TENT4A: variants seen among roughly 807,000 people sequenced by gnomAD.
TENT4A encodes the protein DNA polymerase kappa.
Under a neutral mutation model 72.8 loss-of-function variants are expected in TENT4A, and 7 were observed. That is an observed-to-expected ratio of 0.10 (90% CI 0.05 to 0.18). TENT4A has a LOEUF of 0.18. TENT4A is among the 10% of genes least tolerant of loss of function. The pLI is 1.00. For missense variants in TENT4A, 831 were observed against 1,017.7 expected, an observed-to-expected ratio of 0.82 and a Z score of 2.50; for synonymous variants, 456 against 434.3, an observed-to-expected ratio of 1.05 and a Z score of -0.62.
rs200419351 is a variant in TENT4A at position 6,751,239 on chromosome 5, G to T, written c.2019+42G>T. The T allele has an allele frequency of 1.4e-3, 2,312 of 1,606,618 alleles. 1 individual carries two copies. Among genetic ancestry groups the T allele is most frequent in the Non-Finnish European group, 1.7e-3 (1,975 of 1,173,216 alleles). On this transcript the variant is annotated intron_variant, in intron 11 of 12. Transcript: ENST00000230859. The stretch of plus-strand genomic sequence containing the variant: ...CACCCTTCCCGCTGGTGGCCCCTGG[G>T]AACAGCATCCGAGCTGTGATATGCA...
At chr5:6,734,654 T>G (rs1297999189) in intron 1 of TENT4A, among the ~76,000 whole-genome samples, 1 of 152,230 alleles carries the variant, frequency 6.6e-6, no homozygotes. Context: ...GTTGCTCACT[T>G]TTAGGTGCAT....
At position 6,727,512 on chromosome 5, in the gene TENT4A, C is replaced by A. The variant is rs530206717; in HGVS notation, c.717-9998C>A. ...TCAGGCCTGGTCTTAGACTCCGCTG[C>A]TTGGGCTGTGCTGGTGCCTTTGGTG... is the stretch of plus-strand genomic sequence containing the variant. On this transcript the variant is annotated intron_variant, in intron 1 of 12. Coordinates refer to ENST00000230859, the MANE Select transcript of TENT4A (RefSeq NM_006999.6). Among the ~76,000 whole-genome samples, 3 of 152,334 alleles carry A rather than the reference C, an allele frequency of 2.0e-5. No individual in the cohort carries two copies. In the South Asian group the frequency reaches 6.2e-4, roughly 32 times the overall value.
chr5:6,739,557 A>G (rs1027665064), intron 3 of TENT4A, among the ~76,000 whole-genome samples, 175 bp from the exon 4 acceptor site: 3 of 152,150 alleles, frequency 2.0e-5, no homozygotes, highest in Non-Finnish European at 4.4e-5. Context: ...TTCAGCGAGG[A>G]CTTGCTGTAG....
At position 6,743,787 on chromosome 5, in the gene TENT4A, A is replaced by G. The variant is rs774593642; in HGVS notation, c.1192A>G (p.Thr398Ala). Residue 398 changes from threonine (T) to alanine (A), a missense_variant, in exon 6 of 13, where the codon ACA becomes GCA. By Grantham distance (58) the Thr-to-Ala change is moderately conservative (BLOSUM62 0). Transcript: ENST00000230859. ...GCAGAGGGACCTGAATGAAGTTTTT[A>G]CAGGTGGAATTAGCTCATACAGCCT... ...LLQRDLNEVF[T>A]GGISSYSLIL... The G allele has an allele frequency of 1.2e-6, 2 of 1,613,254 alleles. No homozygotes were observed.
In TENT4A at chr5:6,714,895, C is replaced by T. The variant is rs567317963; in HGVS notation, c.716+196C>T. ...TTATCGTGGAGTGACTTGCCCAGAT[C>T]CTACAAGTAACAGTCCAAGAAAAGG... On this transcript the variant is annotated intron_variant, in intron 1 of 12. Coordinates refer to ENST00000230859, the MANE Select transcript of TENT4A (RefSeq NM_006999.6). The T allele has an allele frequency of 3.5e-5, 10 of 282,374 alleles. No homozygotes were observed. The East Asian group carries it at 5.3e-4, about 15-fold the overall frequency. 17.5% of individuals were successfully genotyped at this position (282,374 alleles called of 1,614,324 possible).
At chr5:6,747,702 A>G (rs1051759041) in intron 7 of TENT4A, among the ~76,000 whole-genome samples, 1 of 152,224 alleles carries the variant, frequency 6.6e-6, no homozygotes, top group Admixed American at 6.5e-5. Flanking sequence ...AAAGACCCAC[A>G]TAATCGTTGA....
intron 6 of TENT4A, chr5:6,745,835 T>C: frequency 3.0e-6 from 1 of 328,948 alleles, no homozygotes; most frequent in Non-Finnish European, 5.6e-6. Context: ...TTGGTTGTGC[T>C]TCAGCATAAC....
chr5:6,718,195 C>T (rs1247906591), intron 1 of TENT4A, among the ~76,000 whole-genome samples: 6 of 152,234 alleles, frequency 3.9e-5, no homozygotes, highest in Admixed American at 3.3e-4. Context: ...CGACGACTGT[C>T]GGCATAGGAC....
chr5:6,750,164 A>G (rs565980264), intron 9 of TENT4A, among the ~76,000 whole-genome samples, 167 bp from the exon 10 acceptor site: 1 of 152,398 alleles, frequency 6.6e-6, no homozygotes, highest in East Asian at 1.9e-4. Flanking sequence ...TTTTCCAACA[A>G]CTAATTGAAT....
chr5:6,745,211 A>C (rs1366767325), intron 6 of TENT4A, among the ~76,000 whole-genome samples: 1 of 152,258 alleles, frequency 6.6e-6, no homozygotes, highest in African/African-American at 2.4e-5. Context: ...AGGTCAGGCC[A>C]GAATCGGAAT....
chr5:6,752,555 G>T (rs537474289), intron 11 of TENT4A, among the ~76,000 whole-genome samples: 1 of 152,238 alleles, frequency 6.6e-6, no homozygotes, highest in East Asian at 1.9e-4. Flanking sequence ...TTCAGCGTGT[G>T]AGTAGGGGGT....
chr5:6,738,205 A>C (rs1741611236), intron 2 of TENT4A, among the ~76,000 whole-genome samples: 1 of 151,056 alleles, frequency 6.6e-6, no homozygotes, highest in Admixed American at 6.6e-5. Context: ...CCTACTGCTG[A>C]CTGGGCTCAG....
At chr5:6,743,874 G>A (rs1554008923) in intron 6 of TENT4A, 34 bp downstream of exon 6, 3 of 1,608,770 alleles carry the variant, frequency 1.9e-6, no homozygotes, top group Non-Finnish European at 1.7e-6. Flanking sequence ...TTTCTGTTGA[G>A]ACATGTGTAA....
intron 1 of TENT4A, among the ~76,000 whole-genome samples, chr5:6,717,967 T>G (rs1740468191): frequency 6.6e-6 from 1 of 152,188 alleles, no homozygotes; most frequent in Non-Finnish European, 1.5e-5. Context: ...CCAGGAAGAA[T>G]GTAGTTGAAC....
At position 6,746,200 on chromosome 5, in the gene TENT4A, C is replaced by T. The variant is rs1742089009; in HGVS notation, c.1246-14C>T. On this transcript the variant is annotated splice_polypyrimidine_tract_variant and intron_variant, in intron 6 of 12. Coordinates refer to ENST00000230859, the MANE Select transcript of TENT4A (RefSeq NM_006999.6). ...CATGAATCCATACAAATTGTGGGTG[C>T]ATTGCTTTTACAGTTGCATCCAAGA... is the stretch of plus-strand genomic sequence containing the variant. The T allele has an allele frequency of 1.2e-6, 2 of 1,614,004 alleles. No individual in the cohort carries two copies. The highest frequency in any genetic ancestry group is 8.5e-7 in the Non-Finnish European group (1 of 1,180,010).
At chr5:6,716,174 G>GT (rs1740377204) in intron 1 of TENT4A, among the ~76,000 whole-genome samples, 1 of 152,130 alleles carries the variant, frequency 6.6e-6, no homozygotes, top group Non-Finnish European at 1.5e-5. Context: ...TTTCCTCCAG[G>GT]TAACTCTAGT....
intron 1 of TENT4A, among the ~76,000 whole-genome samples, chr5:6,726,878 C>T (rs1432181448): frequency 2.0e-5 from 3 of 152,116 alleles, no homozygotes; most frequent in Non-Finnish European, 2.9e-5. Context: ...TCGGCCTTAG[C>T]GTGGCGGGGG....
chr5:6,714,741 T>TGTTCCTGGCCGGCGCCCGC (rs1740274421), intron 1 of TENT4A, 42 bp downstream of exon 1: 19 of 1,002,924 alleles, frequency 1.9e-5, no homozygotes, highest in Non-Finnish European at 2.4e-5. Flanking sequence ...GCGGGGCCCA[T>TGTTCCTGGCCGGCGCCCGC]GGTCCTGGCC....
intron 1 of TENT4A, among the ~76,000 whole-genome samples, chr5:6,719,476 G>A (rs1370265247): frequency 6.6e-6 from 1 of 152,222 alleles, no homozygotes; most frequent in Non-Finnish European, 1.5e-5. Context: ...ACCCAGACTT[G>A]CAGAAGATTG....
Sources: gnomAD v4.1 joint callset for allele counts (sites outside exome capture counted in the v4.1 genomes callset) on GRCh38, gnomAD v4.1.1 for gene constraint, MANE v1.5 for transcripts, NCBI Gene and HGNC (gene_info 2026-07-23, HGNC 2026-07-21) for gene names.